NFIB: variants seen among roughly 807,000 people sequenced by gnomAD.
NFIB encodes the protein nuclear factor 1 B-type.
NFIB carries 11 observed loss-of-function variants against 61.5 expected under a neutral mutation model. That is an observed-to-expected ratio of 0.18 (90% confidence interval 0.11 to 0.30). The LOEUF is 0.30. NFIB is among the 10% of genes least tolerant of loss of function. The probability of loss-of-function intolerance (pLI) is 1.00; values close to 1 mark genes in which losing one functional copy is unlikely to be tolerated. For synonymous variants in NFIB, 260 were observed against 216.5 expected (o/e 1.20, Z -1.76); for missense variants, 471 against 608.9 (o/e 0.77, Z 2.38).
chr9:14,336,266 C>T (rs756104238), intron 1 of NFIB, among the ~76,000 whole-genome samples: 8 of 152,186 alleles, frequency 5.3e-5, no homozygotes, highest in Non-Finnish European at 1.0e-4. Flanking sequence ...TTCCTTTATT[C>T]CCTTGGGCCT....
intron 1 of NFIB, among the ~76,000 whole-genome samples, chr9:14,384,297 C>G (rs1265373823): frequency 4.6e-5 from 7 of 152,178 alleles, no homozygotes; most frequent in Non-Finnish European, 7.3e-5. Flanking sequence ...ATATTTGGCT[C>G]TCTCCTCTAG....
At chr9:14,414,373 T>C in the NFIB span, among the ~76,000 whole-genome samples, 1 of 145,882 alleles carries the variant, frequency 6.9e-6, no homozygotes, top group Admixed American at 7.1e-5. Context: ...AGGCAGAGGT[T>C]GCAGTGAGCC....
intron 10 of NFIB, among the ~76,000 whole-genome samples, chr9:14,092,184 T>C (rs1018780162): frequency 2.0e-5 from 3 of 152,070 alleles, no homozygotes; most frequent in South Asian, 2.1e-4. Context: ...CACCAAATTA[T>C]GTCATTGCAG....
chr9:14,487,459 C>T, the NFIB span, among the ~76,000 whole-genome samples: 1 of 152,188 alleles, frequency 6.6e-6, no homozygotes, highest in African/African-American at 2.4e-5. Context: ...AAACTAGTAG[C>T]ACACTCAAGC....
chr9:14,089,711 A>G (rs557162182), intron 10 of NFIB, among the ~76,000 whole-genome samples: 12,647 of 152,186 alleles, frequency 0.083, 1,744 homozygotes, highest in African/African-American at 0.28. Flanking sequence ...GAAGTGAGAT[A>G]GCACTATTGT....
intron 3 of NFIB, among the ~76,000 whole-genome samples, chr9:14,162,811 T>A (rs1019237110): frequency 1.3e-5 from 2 of 152,102 alleles, no homozygotes; most frequent in African/African-American, 4.8e-5. Flanking sequence ...TCCAAAAAAA[T>A]TCAATTTTTC....
chr9:14,481,775 G>T, the NFIB span, among the ~76,000 whole-genome samples: 4 of 152,116 alleles, frequency 2.6e-5, no homozygotes, highest in African/African-American at 9.7e-5. Flanking sequence ...AGGAACCTGA[G>T]ACCTGTAAGG....
intron 2 of NFIB, among the ~76,000 whole-genome samples, chr9:14,187,754 C>T (rs917963278): frequency 6.6e-6 from 1 of 151,904 alleles, no homozygotes; most frequent in South Asian, 2.1e-4. Context: ...AAAAAATAGG[C>T]CACTGAAATT....
At chr9:14,471,104 C>T in the NFIB span, among the ~76,000 whole-genome samples, 1 of 152,188 alleles carries the variant, frequency 6.6e-6, no homozygotes, top group Non-Finnish European at 1.5e-5. Context: ...GTTGAATTAG[C>T]ATAAGGTTAC....
In NFIB at chr9:14,294,584, T is replaced by C. The variant is rs531769837; in HGVS notation, c.562+12405A>G. Among the ~76,000 whole-genome samples the C allele has an allele frequency of 1.2e-3, 179 of 152,308 alleles. 1 individual carries two copies. The highest frequency in any genetic ancestry group is 3.9e-3 in the African/African-American group (164 of 41,568). On this transcript the variant is annotated intron_variant, in intron 2 of 10. Transcript: ENST00000380953. ...AGAACTGCTACTAAACACCAGTGTGTTATCAAAAAGAAAAGGAATGCCACA... is the reference window on the plus strand; with the variant it reads ...AGAACTGCTACTAAACACCAGTGTGCTATCAAAAAGAAAAGGAATGCCACA...
the NFIB span, among the ~76,000 whole-genome samples, chr9:14,531,566 T>C: frequency 6.6e-6 from 1 of 152,146 alleles, no homozygotes; most frequent in Admixed American, 6.6e-5. Flanking sequence ...TACATTACTC[T>C]GTTTTAAGAC....
At chr9:14,137,944 C>CATGCATTAAA (rs1054897504) in intron 6 of NFIB, among the ~76,000 whole-genome samples, 4 of 152,016 alleles carry the variant, frequency 2.6e-5, no homozygotes, top group African/African-American at 9.7e-5. Context: ...ATTGAAGTTT[C>CATGCATTAAA]ATGCATTAAA....
chr9:14,446,095 T>C, the NFIB span, among the ~76,000 whole-genome samples: 1 of 152,200 alleles, frequency 6.6e-6, no homozygotes, highest in Non-Finnish European at 1.5e-5. Context: ...ATAGGTGCTT[T>C]CAGACTGATG....
Position 14,379,504 on chromosome 9 carries a change from C to T in NFIB, c.108+19020G>A, listed in dbSNP as rs866586341. ...TTCCCCCACTTACTCGCTATTTTAACGAAAATAAGAATAATGTTTTGTAAA... is the reference window on the plus strand; with the variant it reads ...TTCCCCCACTTACTCGCTATTTTAATGAAAATAAGAATAATGTTTTGTAAA... On this transcript the variant is annotated intron_variant, in intron 1 of 8. Coordinates refer to the NFIB transcript ENST00000380934. Among the ~76,000 whole-genome samples, 14 of 152,146 alleles carry T rather than the reference C, an allele frequency of 9.2e-5. No individual in the cohort carries two copies. In the Middle Eastern group the frequency reaches 0.01, roughly 111 times the overall value.
the NFIB span, among the ~76,000 whole-genome samples, chr9:14,449,385 C>G: frequency 6.6e-6 from 1 of 152,148 alleles, no homozygotes; most frequent in Non-Finnish European, 1.5e-5. Flanking sequence ...AAGATGGAAC[C>G]TGGGCTTCAG....
At chr9:14,166,964 C>G (rs2044872691) in intron 3 of NFIB, among the ~76,000 whole-genome samples, 1 of 151,522 alleles carries the variant, frequency 6.6e-6, no homozygotes, top group African/African-American at 2.4e-5. Context: ...AACATTTTCT[C>G]TGGAATTTTT....
At chr9:14,510,265 A>C in the NFIB span, among the ~76,000 whole-genome samples, 3 of 152,224 alleles carry the variant, frequency 2.0e-5, no homozygotes, top group African/African-American at 7.2e-5. Flanking sequence ...TGCAATTAGC[A>C]ATAAGAACTC....
At chr9:14,261,974 G>C (rs553106333) in intron 2 of NFIB, among the ~76,000 whole-genome samples, 12 of 152,262 alleles carry the variant, frequency 7.9e-5, no homozygotes, top group South Asian at 6.2e-4. Flanking sequence ...GGAGGTGGAG[G>C]GGGTACAGTG....
At chr9:14,414,194 T>C in the NFIB span, among the ~76,000 whole-genome samples, 1 of 151,978 alleles carries the variant, frequency 6.6e-6, no homozygotes, top group Non-Finnish European at 1.5e-5. Flanking sequence ...TCCTAGCACT[T>C]TGGGAGGCCA....
Sources: gnomAD v4.1 joint callset for allele counts (sites outside exome capture counted in the v4.1 genomes callset) on GRCh38, gnomAD v4.1.1 for gene constraint, MANE v1.5 for transcripts, NCBI Gene and HGNC (gene_info 2026-07-23, HGNC 2026-07-21) for gene names.